Variants in TEX9 observed in about 807,000 individuals in gnomAD.
TEX9 encodes testis expressed 9.
Under a neutral mutation model 59.6 loss-of-function variants are expected in TEX9, and 74 were observed. The ratio of observed to expected loss-of-function variants is 1.24; its 90% confidence interval spans 1.03 to 1.51. The LOEUF is 1.51. TEX9 is among the 40% of genes most tolerant of loss of function. The pLI is 0.00. For missense variants in TEX9, 522 were observed against 447.8 expected (o/e 1.17, Z -1.49); for synonymous variants, 186 against 152.2 (o/e 1.22, Z -1.64).
intron 1 of TEX9, among the ~76,000 whole-genome samples, chr15:56,311,201 G>A (rs1175722807): frequency 1.4e-5 from 2 of 142,814 alleles, no homozygotes; most frequent in South Asian, 4.5e-4. Flanking sequence ...GTGCAGGTTA[G>A]TTACATATGT....
At chr15:56,422,989 C>A (rs1220893195) in intron 10 of TEX9, among the ~76,000 whole-genome samples, 1 of 152,098 alleles carries the variant, frequency 6.6e-6, no homozygotes, top group African/African-American at 2.4e-5. Flanking sequence ...GAATTTCATT[C>A]CTTTTTAAGG....
chr15:56,284,471 G>T (rs1307796322), intron 1 of TEX9, among the ~76,000 whole-genome samples: 2 of 152,020 alleles, frequency 1.3e-5, no homozygotes, highest in African/African-American at 4.8e-5. Context: ...GTATGTGATA[G>T]CATGTAAAAA....
chr15:56,426,846 A>G (rs915265174), intron 10 of TEX9, among the ~76,000 whole-genome samples: 1 of 151,578 alleles, frequency 6.6e-6, no homozygotes, highest in Non-Finnish European at 1.5e-5. Flanking sequence ...CCAAATTGCT[A>G]AAGAGCTTAT....
At chr15:56,246,962 T>G (rs2043873082) in intron 1 of TEX9, among the ~76,000 whole-genome samples, 1 of 152,190 alleles carries the variant, frequency 6.6e-6, no homozygotes. Flanking sequence ...TTGTCCACAT[T>G]TAGAGAGTAT....
upstream of TEX9, among the ~76,000 whole-genome samples, chr15:56,361,515 T>C (rs528381890): frequency 2.6e-5 from 4 of 152,286 alleles, no homozygotes; most frequent in South Asian, 8.3e-4. Flanking sequence ...AGCTGTTTTG[T>C]TATTGATTTT....
intron 1 of TEX9, among the ~76,000 whole-genome samples, chr15:56,304,345 A>C (rs1210082503): frequency 6.6e-6 from 1 of 152,348 alleles, no homozygotes; most frequent in East Asian, 1.9e-4. Flanking sequence ...AAAGGCTTTC[A>C]GTCTTTACCC....
chr15:56,347,439 T>C (rs921646833), intron 1 of TEX9, among the ~76,000 whole-genome samples: 7 of 152,060 alleles, frequency 4.6e-5, no homozygotes, highest in African/African-American at 1.4e-4. Flanking sequence ...ATATGCCTAA[T>C]TGATTTTTTG....
At chr15:56,399,821 G>A (rs560831438) in intron 9 of TEX9, among the ~76,000 whole-genome samples, 2 of 152,304 alleles carry the variant, frequency 1.3e-5, no homozygotes, top group Admixed American at 6.5e-5. Flanking sequence ...TGCAGCCTCC[G>A]TGGGTGATAC....
chr15:56,427,540 G>C (rs1441401122), intron 10 of TEX9, 65 bp from the exon 11 acceptor site: 9 of 1,109,940 alleles, frequency 8.1e-6, no homozygotes, highest in Non-Finnish European at 1.0e-5. Context: ...TGTGATGATA[G>C]TCTATAATTC....
chr15:56,382,330 A>G lies in TEX9; in HGVS notation c.184-1622A>G, dbSNP rs114478685. On this transcript the variant is annotated intron_variant, in intron 3 of 12. Transcript: ENST00000352903. ...TCAAATCCTGGAATCAGGCACCCCA[A>G]GAGTCCACGTGGTGCTCTGCCCTGC... Among the ~76,000 whole-genome samples the G allele has an allele frequency of 8.0e-3, 1,216 of 152,250 alleles. 14 individuals are homozygous for G. Among genetic ancestry groups the G allele is most frequent in the African/African-American group, 0.027 (1,138 of 41,548 alleles).
chr15:56,445,558 G>T (rs1211679634), intron 12 of TEX9: 1 of 151,910 alleles, frequency 6.6e-6, no homozygotes, highest in East Asian at 1.9e-4. Flanking sequence ...AAATGTTTCT[G>T]ATTATCTTCT....
intron 12 of TEX9, among the ~76,000 whole-genome samples, chr15:56,436,879 T>G (rs536012910): frequency 6.6e-6 from 1 of 152,136 alleles, no homozygotes; most frequent in Non-Finnish European, 1.5e-5. Context: ...CCTGGACACA[T>G]ACACCCTCCC....
intron 9 of TEX9, among the ~76,000 whole-genome samples, 161 bp from the exon 10 acceptor site, chr15:56,412,141 C>T (rs1428671197): frequency 6.6e-6 from 1 of 151,884 alleles, no homozygotes; most frequent in Non-Finnish European, 1.5e-5. Flanking sequence ...CTTGAGACCT[C>T]TAACACTTAG....
chr15:56,398,851 T>A (rs2048616082), intron 9 of TEX9, among the ~76,000 whole-genome samples: 1 of 152,186 alleles, frequency 6.6e-6, no homozygotes, highest in East Asian at 1.9e-4. Context: ...GGAAACTGAC[T>A]GGCCAGGCAT....
chr15:56,428,545 T>TGATTA lies in TEX9; in HGVS notation c.*29+73_*29+77dup, dbSNP rs1311417716. On this transcript the variant is annotated intron_variant, in intron 12 of 12. Transcript: ENST00000352903. ...TTTTATTCTTCATAAGTAATATATT[T>TGATTA]GATTATGAAAGCAAAATAATTTCAA... 634 of 778,270 alleles carry TGATTA rather than the reference T, an allele frequency of 8.1e-4. 1 individual carries two copies. The highest frequency in any genetic ancestry group is 1.1e-3 in the Non-Finnish European group (573 of 500,464). 48.2% of individuals were successfully genotyped at this position (778,270 alleles called of 1,614,324 possible).
chr15:56,417,686 T>A (rs773830104), intron 10 of TEX9, among the ~76,000 whole-genome samples: 1 of 151,956 alleles, frequency 6.6e-6, no homozygotes, highest in Non-Finnish European at 1.5e-5. Flanking sequence ...TGCAGAGTTC[T>A]GTAAAGGTAT....
At chr15:56,245,682 A>G (rs1426891940) in intron 1 of TEX9, among the ~76,000 whole-genome samples, 1 of 152,194 alleles carries the variant, frequency 6.6e-6, no homozygotes, top group African/African-American at 2.4e-5. Flanking sequence ...CCAAGAGTGT[A>G]TAATGTAGGT....
intron 1 of TEX9, among the ~76,000 whole-genome samples, chr15:56,245,278 C>G (rs1297730238): frequency 6.6e-6 from 1 of 152,182 alleles, no homozygotes; most frequent in Non-Finnish European, 1.5e-5. Context: ...CAGACTCACA[C>G]TGAATGCTTG....
intron 1 of TEX9, among the ~76,000 whole-genome samples, chr15:56,266,920 G>A (rs2141371464): frequency 6.6e-6 from 1 of 152,282 alleles, no homozygotes; most frequent in Admixed American, 6.5e-5. Context: ...CATAATGGTT[G>A]AACTAGTTTA....
Sources: allele counts gnomAD v4.1 joint callset (sites outside exome capture counted in the v4.1 genomes callset), GRCh38; gene constraint gnomAD v4.1.1; transcripts MANE v1.5; gene names NCBI Gene and HGNC (gene_info 2026-07-23, HGNC 2026-07-21).